CSF2RA: variants seen among roughly 807,000 people sequenced by gnomAD.
CSF2RA encodes the protein colony stimulating factor 2 receptor subunit alpha.
A neutral mutation model predicts 51.6 loss-of-function variants in CSF2RA; 42 were observed. That is an observed-to-expected ratio of 0.81 (90% CI 0.64 to 1.05). The LOEUF is 1.05. Ranked by LOEUF, CSF2RA falls within the 50% of genes least tolerant of loss-of-function variation. The probability of loss-of-function intolerance (pLI) is 0.00; values close to 1 mark genes in which losing one functional copy is unlikely to be tolerated. For synonymous variants in CSF2RA, 222 were observed against 193.0 expected (o/e 1.15, Z -1.24); for missense variants, 530 against 501.1 (o/e 1.06, Z -0.55).
chrX:1,299,013 GC>G (rs1569508150), intron 9 of CSF2RA, among the ~76,000 whole-genome samples: 1 of 152,158 alleles, frequency 6.6e-6, no homozygotes, highest in Non-Finnish European at 1.5e-5. Context: ...TGCCAGTGTG[GC>G]CCAGGGGTGG....
At chrX:1,302,098 T>G (rs1296686494) in intron 10 of CSF2RA, among the ~76,000 whole-genome samples, 1 of 151,182 alleles carries the variant, frequency 6.6e-6, no homozygotes, top group African/African-American at 2.4e-5. Context: ...GTATTTTTAG[T>G]AGAGACGGGG....
downstream of CSF2RA, among the ~76,000 whole-genome samples, chrX:1,315,090 T>A (rs2084516710): frequency 6.6e-6 from 1 of 151,804 alleles, no homozygotes; most frequent in Non-Finnish European, 1.5e-5. Context: ...GAAGACTGTT[T>A]ATAAGATGCA....
rs2091274742 is a variant in CSF2RA, at chrX:1,290,243, GTGTTTTGTTTTGTGTTTGTTTTTGTTT to G, written c.474-85_474-59del. On this transcript the variant is annotated intron_variant, in intron 6 of 12. Transcript: ENST00000381529. The stretch of plus-strand genomic sequence containing the variant: ...TTGTGTTTTTGTGTTTTGTGTTTTT[GTGTTTTGTTTTGTGTTTGTTTTTGTTT>G]TGTTTTGTGTTTTTGTGTTTTGTTT... The G allele has an allele frequency of 5.0e-6, 5 of 1,002,586 alleles. No homozygotes were observed. The Admixed American group carries it at 1.1e-4, about 22-fold the overall frequency. The allele number at this position is 1,002,586 out of a possible 1,614,324, so 62.1% of individuals were successfully genotyped here.
At position 1,282,750 on chromosome X, in the gene CSF2RA, C is replaced by G. The variant is rs2090192815; in HGVS notation, c.47C>G (p.Pro16Arg). The G allele has an allele frequency of 1.2e-6, 2 of 1,613,854 alleles. No homozygotes were observed. Among genetic ancestry groups the G allele is most frequent in the East Asian group, 4.5e-5 (2 of 44,880 alleles). The change falls in exon 3 of 13, where the codon CCA (proline) becomes CGA (arginine). Residue 16 changes from proline to arginine, a missense_variant. Physicochemically the swap from Pro to Arg is moderately radical, Grantham distance 103. Coordinates refer to ENST00000381529, the MANE Select transcript of CSF2RA (RefSeq NM_172245.4). Reference sequence around the variant, plus strand: ...CTTCTGCTCTGTGAGTTACCACACCCAGCATTCCTCCTGATCCCAGAGAAA... The same window carrying G: ...CTTCTGCTCTGTGAGTTACCACACCGAGCATTCCTCCTGATCCCAGAGAAA... ...TSLLLCELPH[P>R]AFLLIPEKSD...
chrX:1,277,724 C>A (rs2089370304), intron 2 of CSF2RA, among the ~76,000 whole-genome samples: 1 of 150,670 alleles, frequency 6.6e-6, no homozygotes, highest in Admixed American at 6.7e-5. Flanking sequence ...TGCCTGTAAT[C>A]CCAGCACTTT....
At chrX:1,307,411 C>A (rs112690759) in intron 12 of CSF2RA, among the ~76,000 whole-genome samples, 2 of 127,554 alleles carry the variant, frequency 1.6e-5, no homozygotes, top group African/African-American at 6.1e-5. Flanking sequence ...TTCGACTGAT[C>A]AGATGAAGCC....
chrX:1,287,754 G>T (rs1361969780), intron 4 of CSF2RA, among the ~76,000 whole-genome samples: 2 of 105,532 alleles, frequency 1.9e-5, no homozygotes, highest in Non-Finnish European at 3.8e-5. Flanking sequence ...CTTTTTTTGG[G>T]GGGATGGAGT....
chrX:1,300,966 C>G (rs1394172786), intron 10 of CSF2RA, among the ~76,000 whole-genome samples: 1 of 151,860 alleles, frequency 6.6e-6, no homozygotes, highest in East Asian at 1.9e-4. Flanking sequence ...CCAGCCTGGC[C>G]AACATGGTGA....
chrX:1,324,751 C>T, the CSF2RA span, among the ~76,000 whole-genome samples: 2,146 of 152,160 alleles, frequency 0.014, 50 homozygotes, highest in African/African-American at 0.047. Flanking sequence ...CTGTCTGAGT[C>T]GGGACCACGC....
At chrX:1,272,851 C>T (rs1283495508) in intron 1 of CSF2RA, among the ~76,000 whole-genome samples, 2 of 138,042 alleles carry the variant, frequency 1.4e-5, no homozygotes, top group Admixed American at 8.1e-5. Context: ...TGGAGTCTAA[C>T]TTTGTCGCCC....
At position 1,303,236 on chromosome X, in the gene CSF2RA, T is replaced by C. The variant is rs1392020065; in HGVS notation, c.947-687T>C. On this transcript the variant is annotated intron_variant, in intron 10 of 12. Transcript: ENST00000381529. ...TGCTTGGCCATTTTTTAAATATTTT[T>C]ATTTATTTATTTATTTTGACACAGG... 2.1e-5 allele frequency: 7 copies of C among 327,080 alleles called. No homozygotes were observed. The South Asian group carries it at 5.1e-4, about 24-fold the overall frequency. 20.3% of individuals were successfully genotyped at this position (327,080 alleles called of 1,614,324 possible). A position where few individuals can be genotyped will look rare whatever the true frequency, so the allele number is the denominator to read the frequency against.
chrX:1,314,936 T>TGCCCAACCACTCTGTGCC (rs1569515131), downstream of CSF2RA, among the ~76,000 whole-genome samples: 1 of 21,706 alleles, frequency 4.6e-5, no homozygotes, highest in African/African-American at 1.9e-4. Context: ...CGCACTGCAC[T>TGCCCAACCACTCTGTGCC]TGCCCAACCC....
In CSF2RA at chrX:1,303,482, C is replaced by T. The variant is rs193195649; in HGVS notation, c.947-441C>T. The T allele has an allele frequency of 2.1e-3, 949 of 449,742 alleles. 7 individuals carry two copies. The highest frequency in any genetic ancestry group is 0.017 in the African/African-American group (856 of 50,044). 27.9% of individuals were successfully genotyped at this position (449,742 alleles called of 1,614,324 possible). ...CTCGAACTCCTGACCTCAGATGATGCGCCCGCCTCGGCCTCCCAAAGTGCT... is the reference window on the plus strand; with the variant it reads ...CTCGAACTCCTGACCTCAGATGATGTGCCCGCCTCGGCCTCCCAAAGTGCT... On this transcript the variant is annotated intron_variant, in intron 10 of 12. Transcript: ENST00000381529.
chrX:1,271,599 C>T (rs1320493463), intron 1 of CSF2RA, among the ~76,000 whole-genome samples: 6 of 152,050 alleles, frequency 3.9e-5, no homozygotes, highest in African/African-American at 9.7e-5. Flanking sequence ...TCACTGTAAC[C>T]TCCGCCTCCC....
At chrX:1,323,783 G>A in the CSF2RA span, among the ~76,000 whole-genome samples, 22 of 152,130 alleles carry the variant, frequency 1.4e-4, no homozygotes, top group African/African-American at 5.3e-4. Flanking sequence ...GGGAGGCAGA[G>A]GCGGGCAGAT....
intron 12 of CSF2RA, among the ~76,000 whole-genome samples, chrX:1,308,761 A>G (rs1235233624): frequency 2.0e-5 from 3 of 152,112 alleles, no homozygotes; most frequent in African/African-American, 2.4e-5. Flanking sequence ...TCGAGGTGCC[A>G]GGATGACGGC....
At chrX:1,316,021 T>C in the CSF2RA span, among the ~76,000 whole-genome samples, 1 of 114,146 alleles carries the variant, frequency 8.8e-6, no homozygotes, top group South Asian at 3.3e-4. Flanking sequence ...GATATATAGA[T>C]AGATACATAG....
At chrX:1,285,701 C>CAAAAAAAACAAAAAA in intron 3 of CSF2RA, 77 bp from the exon 4 acceptor site, 1 of 871,234 alleles carries the variant, frequency 1.1e-6, no homozygotes. Flanking sequence ...GACTCCGTCT[C>CAAAAAAAACAAAAAA]AAAAAAAAAA....
the CSF2RA span, among the ~76,000 whole-genome samples, chrX:1,317,440 G>A: frequency 3.4e-5 from 5 of 145,054 alleles, no homozygotes; most frequent in African/African-American, 1.0e-4. Context: ...TAGTAGAGAC[G>A]GGCTTTCTCC....
Sources: allele counts gnomAD v4.1 joint callset (sites outside exome capture counted in the v4.1 genomes callset), GRCh38; gene constraint gnomAD v4.1.1; transcripts MANE v1.5; gene names NCBI Gene and HGNC (gene_info 2026-07-23, HGNC 2026-07-21).